LARP1B: variants seen among roughly 807,000 people sequenced by gnomAD.
The protein encoded by LARP1B is la-related protein 1B.
A neutral mutation model predicts 114.2 loss-of-function variants in LARP1B; 76 were observed. The ratio of observed to expected loss-of-function variants is 0.67; its 90% confidence interval spans 0.55 to 0.81. LARP1B has a LOEUF of 0.81. Among genes scored for constraint, LARP1B ranks in the 30% least tolerant of loss-of-function variants. The probability of loss-of-function intolerance (pLI) is 0.00; values close to 1 mark genes in which losing one functional copy is unlikely to be tolerated. For synonymous variants in LARP1B, 345 were observed against 348.0 expected (o/e 0.99, Z 0.10); for missense variants, 1,014 against 1,075.8 (o/e 0.94, Z 0.80).
At chr4:128,152,165 A>T (rs1485780719) in intron 11 of LARP1B, among the ~76,000 whole-genome samples, 5 of 148,974 alleles carry the variant, frequency 3.4e-5, no homozygotes, top group African/African-American at 1.2e-4. Context: ...TCCATTGGTG[A>T]TTTTTGCTTG....
chr4:128,071,779 A>C (rs998707952), intron 1 of LARP1B, among the ~76,000 whole-genome samples: 1 of 152,198 alleles, frequency 6.6e-6, no homozygotes, highest in Admixed American at 6.5e-5. Context: ...AAATATGATA[A>C]GATGTGAAAT....
upstream of LARP1B, among the ~76,000 whole-genome samples, chr4:128,061,012 GGCCGCGAGCCA>G (rs1268435831): frequency 1.1e-4 from 17 of 152,156 alleles, no homozygotes; most frequent in African/African-American, 1.4e-4. Flanking sequence ...CGCGGGGGCA[GGCCGCGAGCCA>G]GCCGCGAGCC....
intron 1 of LARP1B, among the ~76,000 whole-genome samples, chr4:128,073,173 G>A (rs1766038007): frequency 6.6e-6 from 1 of 151,982 alleles, no homozygotes. Context: ...TGGCACTTTG[G>A]GAGGCCGAGG....
chr4:128,199,020 G>A (rs1183002801), intron 15 of LARP1B, among the ~76,000 whole-genome samples: 1 of 152,142 alleles, frequency 6.6e-6, no homozygotes, highest in Non-Finnish European at 1.5e-5. Flanking sequence ...TTGAGATAAT[G>A]AAATTATTGC....
intron 8 of LARP1B, 132 bp from the exon 9 acceptor site, chr4:128,107,007 C>T: frequency 1.5e-6 from 1 of 687,272 alleles, no homozygotes; most frequent in Non-Finnish European, 2.5e-6. Flanking sequence ...ATGTGGTTAA[C>T]TTATGGATTT....
intron 10 of LARP1B, among the ~76,000 whole-genome samples, chr4:128,120,300 G>A (rs1033442902): frequency 3.3e-5 from 5 of 152,126 alleles, no homozygotes; most frequent in Non-Finnish European, 7.3e-5. Context: ...AGCATGAACT[G>A]AAGGGTAAAA....
At chr4:128,117,100 A>T (rs1786139605) in intron 10 of LARP1B, among the ~76,000 whole-genome samples, 1 of 151,330 alleles carries the variant, frequency 6.6e-6, no homozygotes, top group Admixed American at 6.6e-5. Flanking sequence ...TTTAATGGAG[A>T]TGGAGTTTTA....
At chr4:128,130,654 A>G (rs1047741725) in intron 11 of LARP1B, among the ~76,000 whole-genome samples, 2 of 152,256 alleles carry the variant, frequency 1.3e-5, no homozygotes, top group Non-Finnish European at 2.9e-5. Flanking sequence ...GAACTAAACT[A>G]AACTCTTACC....
At chr4:128,071,734 T>C (rs1462221406) in intron 1 of LARP1B, among the ~76,000 whole-genome samples, 1 of 152,178 alleles carries the variant, frequency 6.6e-6, no homozygotes, top group East Asian at 1.9e-4. Flanking sequence ...TCTTTCACAT[T>C]TTAAAAAGCA....
At chr4:128,098,762 TATA>T (rs1260670731) in intron 8 of LARP1B, among the ~76,000 whole-genome samples, 1 of 38,728 alleles carries the variant, frequency 2.6e-5, no homozygotes, top group South Asian at 9.3e-4. Flanking sequence ...TATATATATA[TATA>T]TATTTTTTTT....
intron 5 of LARP1B, among the ~76,000 whole-genome samples, chr4:128,088,200 A>ATG (rs1774429374): frequency 8.0e-5 from 2 of 24,876 alleles, no homozygotes; most frequent in Admixed American, 5.6e-4. Flanking sequence ...TAAAATCAAT[A>ATG]ATAATGATGA....
chr4:128,202,394 C>T (rs1332140281), intron 17 of LARP1B, among the ~76,000 whole-genome samples: 1 of 151,692 alleles, frequency 6.6e-6, no homozygotes, highest in Non-Finnish European at 1.5e-5. Flanking sequence ...GTAATTCATA[C>T]ATATGAATTT....
chr4:128,155,813 A>G (rs1299799711), intron 11 of LARP1B: 13 of 1,587,240 alleles, frequency 8.2e-6, no homozygotes, highest in Non-Finnish European at 1.0e-5. Context: ...AAACTGGAAG[A>G]TGAGAAATCA....
chr4:128,209,971 C>G lies in LARP1B; in HGVS notation c.2663C>G (p.Pro888Arg). ...ACAAAGCCACCAAATGCTGCTAAAC[C>G]TACATCTACCAGTGAGCTTCAGGTA... ...SSTKPPNAAK[P>R]TSTSELQVPI... Residue 888 changes from proline (P) to arginine (R), a missense_variant, in exon 20 of 20, where the codon CCT becomes CGT. By Grantham distance (103) the Pro-to-Arg change is moderately radical. Coordinates refer to ENST00000326639, the MANE Select transcript of LARP1B (RefSeq NM_018078.4). The G allele has an allele frequency of 6.2e-7, 1 of 1,614,006 alleles. No homozygotes were observed. The highest frequency in any genetic ancestry group is 8.5e-7 in the Non-Finnish European group (1 of 1,179,950).
intron 15 of LARP1B, among the ~76,000 whole-genome samples, chr4:128,185,534 G>GT (rs56275913): frequency 0.58 from 85,347 of 146,256 alleles, 25,958 homozygotes; most frequent in Middle Eastern, 0.79. Flanking sequence ...TATTTGTATT[G>GT]TTTTTTTTTT....
At chr4:128,174,322 A>G (rs1745022718) in intron 12 of LARP1B, among the ~76,000 whole-genome samples, 1 of 151,928 alleles carries the variant, frequency 6.6e-6, no homozygotes, top group Admixed American at 6.6e-5. Flanking sequence ...AAATGTTAAT[A>G]TATTCTTGTT....
intron 5 of LARP1B, among the ~76,000 whole-genome samples, chr4:128,090,429 C>A (rs1775491452): frequency 6.6e-6 from 1 of 152,090 alleles, no homozygotes; most frequent in Admixed American, 6.6e-5. Context: ...TGTCCACTTG[C>A]ATTTTTTTAC....
intron 11 of LARP1B, among the ~76,000 whole-genome samples, chr4:128,151,518 A>G (rs1273112422): frequency 6.6e-6 from 1 of 151,512 alleles, no homozygotes; most frequent in Non-Finnish European, 1.5e-5. Context: ...GCTATTCATG[A>G]CATTGATGTT....
chr4:128,077,950 C>G lies in LARP1B; in HGVS notation c.205C>G (p.Gln69Glu), dbSNP rs771889268. Residue 69 changes from glutamine to glutamate, a missense_variant, in exon 4 of 20, where the codon CAA (glutamine) becomes GAA (glutamate). Gln to Glu is a conservative substitution (Grantham distance 29). Coordinates refer to ENST00000326639, the MANE Select transcript of LARP1B (RefSeq NM_018078.4). ...VSEDEAQSSN[Q>E]RKRANKHKWV... ...TGAGGATGAGGCTCAGTCAAGTAAT[C>G]AACGTAAGAGAGGTCAGTTTGTCCA... The G allele has an allele frequency of 1.3e-6, 2 of 1,598,128 alleles. No homozygotes were observed. Among genetic ancestry groups the G allele is most frequent in the East Asian group, 4.5e-5 (2 of 44,712 alleles).
Sources: gnomAD v4.1 joint callset for allele counts (sites outside exome capture counted in the v4.1 genomes callset) on GRCh38, gnomAD v4.1.1 for gene constraint, MANE v1.5 for transcripts, NCBI Gene and HGNC (gene_info 2026-07-23, HGNC 2026-07-21) for gene names.